Variants in NBAS observed in about 807,000 individuals in gnomAD.
NBAS encodes NAG/BC035112 fusion.
A neutral mutation model predicts 302.5 loss-of-function variants in NBAS; 219 were observed. The ratio of observed to expected loss-of-function variants is 0.72; its 90% CI spans 0.65 to 0.81. NBAS has a LOEUF of 0.81. NBAS is among the 30% of genes least tolerant of loss of function. The pLI is 0.00. For missense variants in NBAS, 2,932 were observed against 2,841.6 expected (o/e 1.03, Z -0.72); for synonymous variants, 1,118 against 1,021.6 (o/e 1.09, Z -1.80).
intron 40 of NBAS, among the ~76,000 whole-genome samples, chr2:15,293,128 T>TC (rs1443169584): frequency 1.3e-5 from 2 of 152,208 alleles, no homozygotes; most frequent in Non-Finnish European, 2.9e-5. Flanking sequence ...AGTAACTCAC[T>TC]CTAGAAGTAA....
chr2:15,193,737 G>A (rs1016777770), intron 48 of NBAS, among the ~76,000 whole-genome samples: 1 of 152,060 alleles, frequency 6.6e-6, no homozygotes, highest in African/African-American at 2.4e-5. Context: ...GCGAATCCAA[G>A]ATTTGTGTCC....
Position 15,283,239 on chromosome 2 carries a change from A to G in NBAS, c.5138+3834T>C, listed in dbSNP as rs1263417665. Among the ~76,000 whole-genome samples, 3 of 152,200 alleles carry G rather than the reference A, an allele frequency of 2.0e-5. No individual in the cohort carries two copies. The East Asian group carries it at 5.8e-4, about 29-fold the overall frequency. On this transcript the variant is annotated intron_variant, in intron 42 of 51. Coordinates refer to ENST00000281513, the MANE Select transcript of NBAS (RefSeq NM_015909.4). Reference sequence around the variant, plus strand: ...ATTTCAAAATGACCCTGTGTCCAAAACTGAAAAGTACTAATCAAATCAGCA... The same window carrying G: ...ATTTCAAAATGACCCTGTGTCCAAAGCTGAAAAGTACTAATCAAATCAGCA...
chr2:15,173,172 GA>G (rs1276827637), intron 51 of NBAS, among the ~76,000 whole-genome samples: 1 of 152,168 alleles, frequency 6.6e-6, no homozygotes, highest in Admixed American at 6.5e-5. Context: ...TAATTTTTGA[GA>G]ATAAATGATA....
rs185242799 is a variant in NBAS at position 15,187,027 on chromosome 2, A to G, written c.6573-147T>C. 22 of 1,205,422 alleles carry G rather than the reference A, an allele frequency of 1.8e-5. No homozygotes were observed. In the East Asian group the frequency reaches 5.2e-4, roughly 28 times the overall value. 74.7% of individuals were successfully genotyped at this position (1,205,422 alleles called of 1,614,324 possible). A position where few individuals can be genotyped will look rare whatever the true frequency, so the allele number is the denominator to read the frequency against. ...GCTTCAAGTCAACCTTGTAGAAAAGATAACACCTTAAGGAGAAAAAGCAGC... is the reference window on the plus strand; with the variant it reads ...GCTTCAAGTCAACCTTGTAGAAAAGGTAACACCTTAAGGAGAAAAAGCAGC... On this transcript the variant is annotated intron_variant, in intron 49 of 51. Transcript: ENST00000281513.
intron 38 of NBAS, among the ~76,000 whole-genome samples, chr2:15,315,198 T>C (rs998737025): frequency 2.6e-5 from 4 of 152,202 alleles, no homozygotes; most frequent in African/African-American, 9.6e-5. Flanking sequence ...ATATGCAGTG[T>C]AGTGTCAAGA....
chr2:15,163,896 A>G (rs1206476725), downstream of NBAS, among the ~76,000 whole-genome samples: 2 of 151,550 alleles, frequency 1.3e-5, no homozygotes, highest in African/African-American at 4.9e-5. Flanking sequence ...TCCCAGGTTC[A>G]AGTGATTCTC....
the NBAS span, among the ~76,000 whole-genome samples, chr2:14,904,790 CT>C: frequency 6.6e-6 from 1 of 152,348 alleles, no homozygotes; most frequent in African/African-American, 2.4e-5. Context: ...TGGCTCAAGC[CT>C]GTAATCCCAG....
At chr2:15,380,509 A>C (rs540219615) in intron 29 of NBAS, among the ~76,000 whole-genome samples, 2 of 152,312 alleles carry the variant, frequency 1.3e-5, no homozygotes, top group East Asian at 3.9e-4. Context: ...ACCAGTCATT[A>C]AAATTACAAT....
chr2:15,111,819 C>A, the NBAS span, among the ~76,000 whole-genome samples: 2 of 150,386 alleles, frequency 1.3e-5, no homozygotes, highest in African/African-American at 2.4e-5. Context: ...AGAAGAGGGA[C>A]TTTCTAGCCT....
chr2:14,933,336 C>A, the NBAS span, among the ~76,000 whole-genome samples: 1 of 152,168 alleles, frequency 6.6e-6, no homozygotes, highest in Non-Finnish European at 1.5e-5. Context: ...TTTCACCAAC[C>A]ATCTATGCTT....
chr2:15,343,768 C>T (rs2148275861), intron 35 of NBAS, among the ~76,000 whole-genome samples: 1 of 151,342 alleles, frequency 6.6e-6, no homozygotes, highest in Admixed American at 6.6e-5. Context: ...AGAAAAAAAG[C>T]ACAGGAGTAA....
chr2:15,483,270 G>GT (rs1409739374), intron 12 of NBAS: 8 of 336,766 alleles, frequency 2.4e-5, no homozygotes, highest in African/African-American at 1.7e-4. Context: ...ACAGTCTGGT[G>GT]AAATTGTGAA....
intron 26 of NBAS, among the ~76,000 whole-genome samples, chr2:15,400,107 T>A (rs1676074434): frequency 6.6e-6 from 1 of 151,498 alleles, no homozygotes; most frequent in Non-Finnish European, 1.5e-5. Context: ...AGAAATGCAA[T>A]ATGCAACACG....
chr2:15,000,919 A>G, the NBAS span, among the ~76,000 whole-genome samples: 1 of 152,134 alleles, frequency 6.6e-6, no homozygotes, highest in African/African-American at 2.4e-5. Context: ...TCACCATTTT[A>G]TAGACAAAGT....
At chr2:15,391,152 G>A (rs938253716) in intron 28 of NBAS, among the ~76,000 whole-genome samples, 5 of 151,964 alleles carry the variant, frequency 3.3e-5, no homozygotes, top group Non-Finnish European at 7.4e-5. Flanking sequence ...TGAAAAATAT[G>A]ACAGATAATG....
Position 15,467,411 on chromosome 2 carries a change from T to C in NBAS, c.2019-4A>G. On this transcript the variant is annotated splice_region_variant and splice_polypyrimidine_tract_variant and intron_variant, in intron 18 of 51. Coordinates refer to ENST00000281513, the MANE Select transcript of NBAS (RefSeq NM_015909.4). Reference sequence around the variant, plus strand: ...TTCCTTTTGTTCCAGTGTCAACCTGTTTTGAATAACTATGTTAGGCCACTT... The same window carrying C: ...TTCCTTTTGTTCCAGTGTCAACCTGCTTTGAATAACTATGTTAGGCCACTT... The C allele has an allele frequency of 2.5e-6, 4 of 1,610,492 alleles. No homozygotes were observed. The highest frequency in any genetic ancestry group is 1.1e-5 in the South Asian group (1 of 91,012).
chr2:14,964,901 C>T, the NBAS span, among the ~76,000 whole-genome samples: 1 of 151,984 alleles, frequency 6.6e-6, no homozygotes, highest in Non-Finnish European at 1.5e-5. Flanking sequence ...AATATTGCCA[C>T]ATATTTGGAA....
At chr2:15,383,455 G>T in intron 28 of NBAS, 138 bp from the exon 29 acceptor site, 1 of 716,988 alleles carries the variant, frequency 1.4e-6, no homozygotes, top group South Asian at 1.6e-5. Flanking sequence ...TGATCAAAAA[G>T]AATATATCTC....
intron 4 of NBAS, 134 bp downstream of exon 4, chr2:15,553,927 A>G (rs1664516665): frequency 1.3e-6 from 1 of 795,164 alleles, no homozygotes; most frequent in Admixed American, 2.1e-5. Flanking sequence ...AAACAATACT[A>G]AATATTTGCA....
Sources: gnomAD v4.1 joint callset for allele counts (sites outside exome capture counted in the v4.1 genomes callset) on GRCh38, gnomAD v4.1.1 for gene constraint, MANE v1.5 for transcripts, NCBI Gene and HGNC (gene_info 2026-07-23, HGNC 2026-07-21) for gene names.